Variants in ZEB1 observed in about 807,000 individuals in gnomAD.
The protein encoded by ZEB1 is zinc finger E-box-binding homeobox 1.
In ZEB1, 21 loss-of-function variants were observed where a neutral mutation model predicts 84.9. That is an observed-to-expected ratio of 0.25 (90% CI 0.18 to 0.36). The LOEUF is 0.36. Ranked by LOEUF, ZEB1 falls within the 10% of genes least tolerant of loss-of-function variation. The pLI is 1.00. For synonymous variants in ZEB1, 420 were observed against 471.1 expected, an observed-to-expected ratio of 0.89 and a Z score of 1.41; for missense variants, 1,104 against 1,330.2, an observed-to-expected ratio of 0.83 and a Z score of 2.65.
At chr10:31,489,385 G>T (rs1417739658) in intron 2 of ZEB1, among the ~76,000 whole-genome samples, 1 of 151,070 alleles carries the variant, frequency 6.6e-6, no homozygotes, top group African/African-American at 2.4e-5. Flanking sequence ...TTGTAGATAG[G>T]ATATTAATGG....
intron 1 of ZEB1, among the ~76,000 whole-genome samples, chr10:31,452,742 T>TGTGTGTGTGAGAGAGA (rs1387786622): frequency 9.9e-5 from 9 of 90,812 alleles, no homozygotes; most frequent in Non-Finnish European, 1.7e-4. Context: ...TGTGTGTGTG[T>TGTGTGTGTGAGAGAGA]GAGAGAGAGA....
chr10:31,477,894 G>T (rs1380757959), intron 2 of ZEB1, among the ~76,000 whole-genome samples: 2 of 151,820 alleles, frequency 1.3e-5, no homozygotes, highest in Non-Finnish European at 2.9e-5. Flanking sequence ...AATGTAAGAT[G>T]TGAAACTTAA....
intron 1 of ZEB1, among the ~76,000 whole-genome samples, chr10:31,411,386 C>T (rs2054217736): frequency 6.6e-6 from 1 of 152,294 alleles, no homozygotes; most frequent in South Asian, 2.1e-4. Context: ...AATCCCAGCA[C>T]TTTGGGAGGC....
At chr10:31,448,656 G>T (rs1178723429) in intron 1 of ZEB1, among the ~76,000 whole-genome samples, 1 of 151,966 alleles carries the variant, frequency 6.6e-6, no homozygotes, top group Non-Finnish European at 1.5e-5. Flanking sequence ...CTGCAGGTCT[G>T]TTGGAATACC....
chr10:31,469,454 C>G (rs1050514822), intron 2 of ZEB1, among the ~76,000 whole-genome samples: 1 of 152,086 alleles, frequency 6.6e-6, no homozygotes, highest in Admixed American at 6.5e-5. Flanking sequence ...GGGTGACAGA[C>G]GGCACCTGGA....
intron 1 of ZEB1, among the ~76,000 whole-genome samples, chr10:31,356,810 A>G (rs2042200488): frequency 2.6e-5 from 4 of 152,174 alleles, no homozygotes; most frequent in Admixed American, 2.6e-4. Context: ...GTGCTCATCT[A>G]ACTGAGTAGA....
intron 1 of ZEB1, among the ~76,000 whole-genome samples, chr10:31,395,703 T>C (rs909712259): frequency 4.6e-5 from 7 of 151,866 alleles, no homozygotes; most frequent in African/African-American, 1.7e-4. Flanking sequence ...GCCAAAAGAG[T>C]GACGTAGGAG....
At chr10:31,519,882 A>C (rs2071932483) in intron 6 of ZEB1, among the ~76,000 whole-genome samples, 1 of 152,182 alleles carries the variant, frequency 6.6e-6, no homozygotes, top group Admixed American at 6.5e-5. Flanking sequence ...GAAATATTAT[A>C]CACATATGCT....
intron 1 of ZEB1, among the ~76,000 whole-genome samples, chr10:31,383,447 A>G (rs894890124): frequency 2.0e-5 from 3 of 152,224 alleles, no homozygotes; most frequent in African/African-American, 7.2e-5. Context: ...TTTATATGCC[A>G]TGATTACAAG....
intron 1 of ZEB1, among the ~76,000 whole-genome samples, chr10:31,397,043 T>C (rs1238130056): frequency 6.7e-5 from 10 of 148,426 alleles, no homozygotes; most frequent in Admixed American, 6.7e-5. Context: ...AGAGATGGAG[T>C]CTCGCTCTGT....
At chr10:31,460,945 C>CT in intron 1 of ZEB1, 92 bp from the exon 2 acceptor site, 1 of 991,572 alleles carries the variant, frequency 1.0e-6, no homozygotes, top group Non-Finnish European at 1.6e-6. Flanking sequence ...GAATTACAAT[C>CT]TGTTTTAAGC....
chr10:31,470,111 G>GA (rs1268209841), intron 2 of ZEB1, among the ~76,000 whole-genome samples: 2 of 152,104 alleles, frequency 1.3e-5, no homozygotes, highest in Non-Finnish European at 2.9e-5. Context: ...CAAAGATGGG[G>GA]AAAAAACAGA....
chr10:31,331,471 G>A lies in ZEB1; in HGVS notation c.58+12179G>A, dbSNP rs2036777741. Among the ~76,000 whole-genome samples the A allele has an allele frequency of 2.0e-5, 3 of 152,136 alleles. No individual in the cohort carries two copies. In the South Asian group the frequency reaches 6.2e-4, roughly 31 times the overall value. On this transcript the variant is annotated intron_variant, in intron 1 of 8. Transcript: ENST00000424869. ...ATTCCATTTATCTGGGCCTATGTTT[G>A]TTCATCTGTGGGATGAATATGATGG...
chr10:31,390,574 T>C (rs879433360), intron 1 of ZEB1, among the ~76,000 whole-genome samples: 1 of 152,186 alleles, frequency 6.6e-6, no homozygotes, highest in African/African-American at 2.4e-5. Context: ...TGCTATCATT[T>C]CTCTTGAAAA....
At chr10:31,480,069 T>C (rs545191857) in intron 2 of ZEB1, among the ~76,000 whole-genome samples, 2 of 151,982 alleles carry the variant, frequency 1.3e-5, no homozygotes, top group African/African-American at 2.4e-5. Context: ...TTAAAACATA[T>C]ATAAAACTGA....
At chr10:31,517,860 G>C (rs956863284) in intron 6 of ZEB1, among the ~76,000 whole-genome samples, 1 of 152,010 alleles carries the variant, frequency 6.6e-6, no homozygotes, top group Admixed American at 6.6e-5. Flanking sequence ...TAACCCTATG[G>C]AGTAGGTTTT....
At position 31,527,543 on chromosome 10, in the gene ZEB1, T is replaced by G; in HGVS notation, c.*279T>G. On this transcript the variant is annotated 3_prime_UTR_variant, in exon 9 of 9. Coordinates refer to ENST00000424869, the MANE Select transcript of ZEB1 (RefSeq NM_001174096.2). Reference sequence around the variant, plus strand: ...AACAAGTTTGTAACATGCAGCAGATTAGAAAACCTTAATGACTCAGAGAGC... The same window carrying G: ...AACAAGTTTGTAACATGCAGCAGATGAGAAAACCTTAATGACTCAGAGAGC... The G allele has an allele frequency of 2.3e-6, 1 of 429,102 alleles. No homozygotes were observed. The highest frequency in any genetic ancestry group is 4.2e-6 in the Non-Finnish European group (1 of 238,216). The allele number at this position is 429,102 out of a possible 1,614,324, so 26.6% of individuals were successfully genotyped here.
At chr10:31,444,326 T>G (rs925559265) in intron 1 of ZEB1, among the ~76,000 whole-genome samples, 7 of 144,922 alleles carry the variant, frequency 4.8e-5, no homozygotes, top group African/African-American at 1.8e-4. Context: ...CTTTGTCAGA[T>G]GAGTAGGTTG....
At chr10:31,366,812 G>A (rs1053830024) in intron 1 of ZEB1, among the ~76,000 whole-genome samples, 3 of 149,954 alleles carry the variant, frequency 2.0e-5, no homozygotes, top group East Asian at 1.9e-4. Flanking sequence ...AGTTCCCAGC[G>A]TATACTGCTT....
Sources: gnomAD v4.1 joint callset for allele counts (sites outside exome capture counted in the v4.1 genomes callset) on GRCh38, gnomAD v4.1.1 for gene constraint, MANE v1.5 for transcripts, NCBI Gene and HGNC (gene_info 2026-07-23, HGNC 2026-07-21) for gene names.